TDRP: variants seen among roughly 807,000 people sequenced by gnomAD.
TDRP encodes the protein testis development related protein, also known as testis development-related protein.
TDRP carries 12 observed loss-of-function variants against 10.5 expected under a neutral mutation model. The observed-to-expected ratio is 1.15, with a 90% CI of 0.73 to 1.86. The LOEUF (loss-of-function observed/expected upper bound fraction) is 1.86, where lower values mean the gene tolerates loss of function less well. Among genes scored for constraint, TDRP ranks in the 40% most tolerant of loss-of-function variants. The pLI is 0.00. For synonymous variants in TDRP, 139 were observed against 95.4 expected, an observed-to-expected ratio of 1.46 and a Z score of -2.67; for missense variants, 353 against 229.2, an observed-to-expected ratio of 1.54 and a Z score of -3.49.
chr8:539,180 T>C (rs1802426289), intron 1 of TDRP, among the ~76,000 whole-genome samples: 1 of 152,182 alleles, frequency 6.6e-6, no homozygotes, highest in Non-Finnish European at 1.5e-5. Flanking sequence ...TGTGATGGCA[T>C]GTGCAGGTGG....
chr8:521,911 T>C (rs766635203), intron 1 of TDRP, among the ~76,000 whole-genome samples: 4 of 152,236 alleles, frequency 2.6e-5, no homozygotes, highest in East Asian at 3.8e-4. Flanking sequence ...CAATGTTTTA[T>C]ATTTTTTCAG....
Position 508,474 on chromosome 8 carries a change from T to C in TDRP, c.109-13877A>G, listed in dbSNP as rs377213480. Among the ~76,000 whole-genome samples the C allele has an allele frequency of 3.9e-5, 6 of 152,188 alleles. No homozygotes were observed. The South Asian group carries it at 6.2e-4, about 16-fold the overall frequency. Reference sequence around the variant, plus strand: ...GCAAAAGGCAAAGGCATATCTAATATGGCAGCATTCAAGACAGAGAGCAAA... The same window carrying C: ...GCAAAAGGCAAAGGCATATCTAATACGGCAGCATTCAAGACAGAGAGCAAA... On this transcript the variant is annotated intron_variant, in intron 1 of 2. Coordinates refer to ENST00000324079, the MANE Select transcript of TDRP (RefSeq NM_001384899.1).
rs189619520 is a variant in TDRP, at chr8:508,940, G to C, written c.109-14343C>G. 2.0e-5 allele frequency among the ~76,000 whole-genome samples: 3 copies of C among 152,346 alleles called. No individual in the cohort carries two copies. In the East Asian group the frequency reaches 5.8e-4, roughly 29 times the overall value. ...GTAAATGTTCCTGCTTCAAATGGGA[G>C]AAACTGGCCAAAACAAAGGGGCTAC... is the stretch of plus-strand genomic sequence containing the variant. On this transcript the variant is annotated intron_variant, in intron 1 of 2. Transcript: ENST00000324079.
chr8:513,990 A>T (rs1464018850), intron 1 of TDRP, among the ~76,000 whole-genome samples: 2 of 152,238 alleles, frequency 1.3e-5, no homozygotes, highest in Admixed American at 1.3e-4. Context: ...ATGAATCAGA[A>T]GACATAACAT....
intron 2 of TDRP, 37 bp from the exon 3 acceptor site, chr8:492,781 G>T: frequency 6.8e-7 from 1 of 1,462,060 alleles, no homozygotes. Context: ...TGGTGACCCA[G>T]GTCTTAGGGC....
intron 2 of TDRP, among the ~76,000 whole-genome samples, chr8:493,320 A>T (rs1186237233): frequency 6.6e-6 from 1 of 152,252 alleles, no homozygotes; most frequent in African/African-American, 2.4e-5. Flanking sequence ...ATTGTTAAGA[A>T]CACCAGTGCC....
At chr8:503,056 C>T (rs775106226) in intron 1 of TDRP, among the ~76,000 whole-genome samples, 1 of 152,058 alleles carries the variant, frequency 6.6e-6, no homozygotes, top group Non-Finnish European at 1.5e-5. Context: ...CAGAGCCACA[C>T]ATCAGAACCT....
chr8:506,365 A>T (rs1277763989), intron 1 of TDRP, among the ~76,000 whole-genome samples: 1 of 152,178 alleles, frequency 6.6e-6, no homozygotes, highest in East Asian at 1.9e-4. Flanking sequence ...CCAACAGCAC[A>T]GGCTCCCTCT....
intron 1 of TDRP, among the ~76,000 whole-genome samples, chr8:538,311 G>C (rs111260385): frequency 6.6e-6 from 1 of 152,282 alleles, no homozygotes; most frequent in South Asian, 2.1e-4. Flanking sequence ...GAGGAGGTTC[G>C]CACTGCAGGG....
chr8:494,994 A>G (rs2116714505), intron 1 of TDRP: 7 of 159,000 alleles, frequency 4.4e-5, no homozygotes, highest in South Asian at 1.8e-4. Flanking sequence ...CACTTTAGGA[A>G]GCCAAGGCAG....
chr8:522,542 A>G (rs1221479743), intron 1 of TDRP, among the ~76,000 whole-genome samples: 1 of 152,296 alleles, frequency 6.6e-6, no homozygotes, highest in African/African-American at 2.4e-5. Context: ...AAAAGTAAGA[A>G]ATAATGTAAT....
chr8:511,951 A>G (rs1375707404), intron 1 of TDRP, among the ~76,000 whole-genome samples: 1 of 152,218 alleles, frequency 6.6e-6, no homozygotes, highest in Non-Finnish European at 1.5e-5. Context: ...GTAAATGTCT[A>G]TAAAGAAAAA....
At chr8:545,600 A>C (rs1340009113), upstream of TDRP, 1 of 151,992 alleles carries the variant, frequency 6.6e-6, no homozygotes, top group Non-Finnish European at 1.5e-5. Context: ...CAGTCCGCGG[A>C]GCGGCGCCTG....
chr8:545,162 G>A (rs1408840906), upstream of TDRP, among the ~76,000 whole-genome samples: 1 of 82,156 alleles, frequency 1.2e-5, no homozygotes, highest in African/African-American at 4.8e-5. Flanking sequence ...CCCCGCCACC[G>A]CCCCGGCGAG....
At chr8:530,625 G>A (rs868849245) in intron 1 of TDRP, among the ~76,000 whole-genome samples, 2 of 152,048 alleles carry the variant, frequency 1.3e-5, no homozygotes, top group African/African-American at 4.8e-5. Context: ...TTTCTTTTCA[G>A]TTGCTTGTAA....
At chr8:528,984 A>G (rs1306455272) in intron 1 of TDRP, among the ~76,000 whole-genome samples, 2 of 152,164 alleles carry the variant, frequency 1.3e-5, no homozygotes, top group African/African-American at 4.8e-5. Flanking sequence ...TGGGAGTCTG[A>G]TGTTTGAGGG....
chr8:532,547 G>C (rs1177615119), intron 1 of TDRP, among the ~76,000 whole-genome samples: 3 of 152,142 alleles, frequency 2.0e-5, no homozygotes, highest in Non-Finnish European at 4.4e-5. Context: ...CATAGGATAA[G>C]GACCAAATAA....
At chr8:512,358 G>C (rs200806462) in intron 1 of TDRP, among the ~76,000 whole-genome samples, 3 of 152,066 alleles carry the variant, frequency 2.0e-5, no homozygotes, top group African/African-American at 7.2e-5. Flanking sequence ...ACTTGAACCC[G>C]GGAGGCGGAG....
At chr8:500,446 C>T (rs537857911) in intron 1 of TDRP, among the ~76,000 whole-genome samples, 3 of 152,242 alleles carry the variant, frequency 2.0e-5, no homozygotes, top group East Asian at 3.9e-4. Context: ...GTGTGGCAAC[C>T]CTGAAGGCCT....
Sources: allele counts gnomAD v4.1 joint callset (sites outside exome capture counted in the v4.1 genomes callset), GRCh38; gene constraint gnomAD v4.1.1; transcripts MANE v1.5; gene names NCBI Gene and HGNC (gene_info 2026-07-23, HGNC 2026-07-21).